The following CRPPA variants were observed in gnomAD, a reference collection of about 807,000 sequenced individuals.
CRPPA encodes D-ribitol-5-phosphate cytidylyltransferase.
A neutral mutation model predicts 52.0 loss-of-function variants in CRPPA; 43 were observed. The observed-to-expected ratio is 0.83, with a 90% CI of 0.65 to 1.07. CRPPA has a LOEUF of 1.07. Among genes scored for constraint, CRPPA ranks in the 50% least tolerant of loss-of-function variants. The pLI is 0.00. For synonymous variants in CRPPA, 250 were observed against 203.5 expected (o/e 1.23, Z -1.94); for missense variants, 629 against 551.7 (o/e 1.14, Z -1.40).
intron 9 of CRPPA, among the ~76,000 whole-genome samples, chr7:16,117,431 A>G (rs1782397802): frequency 6.6e-6 from 1 of 152,124 alleles, no homozygotes; most frequent in Admixed American, 6.5e-5. Flanking sequence ...TCTGTTACAG[A>G]GGCTGAGTGA....
chr7:16,307,966 C>T (rs992650125), intron 4 of CRPPA, among the ~76,000 whole-genome samples: 1 of 151,206 alleles, frequency 6.6e-6, no homozygotes, highest in South Asian at 2.1e-4. Context: ...TGTGTCCCTG[C>T]CCAAATCTCA....
intron 3 of CRPPA, among the ~76,000 whole-genome samples, chr7:16,318,927 TA>T (rs1449070524): frequency 6.6e-6 from 1 of 152,216 alleles, no homozygotes; most frequent in Non-Finnish European, 1.5e-5. Flanking sequence ...TCTGTATCTC[TA>T]AATTACATTC....
intron 3 of CRPPA, among the ~76,000 whole-genome samples, chr7:16,331,135 G>C (rs1785542380): frequency 6.6e-6 from 1 of 152,076 alleles, no homozygotes; most frequent in Non-Finnish European, 1.5e-5. Flanking sequence ...GAGTAGGTGG[G>C]ACTACAGGCG....
chr7:16,305,267 T>G (rs1405796466), intron 4 of CRPPA, among the ~76,000 whole-genome samples: 1 of 152,174 alleles, frequency 6.6e-6, no homozygotes, highest in Admixed American at 6.5e-5. Flanking sequence ...ATTTGCATTC[T>G]AGCATCACCT....
intron 9 of CRPPA, among the ~76,000 whole-genome samples, chr7:16,106,815 T>C (rs1782161635): frequency 6.6e-6 from 1 of 151,996 alleles, no homozygotes; most frequent in African/African-American, 2.4e-5. Context: ...ATTTATGAAA[T>C]GACTGAAGAA....
chr7:16,302,841 T>A (rs1487338710), intron 4 of CRPPA, among the ~76,000 whole-genome samples: 2 of 151,270 alleles, frequency 1.3e-5, no homozygotes, highest in African/African-American at 4.8e-5. Context: ...CTGATTTTTT[T>A]AAGTAATTTT....
At chr7:16,119,795 A>C (rs1461804248) in intron 9 of CRPPA, among the ~76,000 whole-genome samples, 1 of 152,224 alleles carries the variant, frequency 6.6e-6, no homozygotes, top group Non-Finnish European at 1.5e-5. Flanking sequence ...TGTTAGGAGC[A>C]ATGAAGTATG....
intron 9 of CRPPA, among the ~76,000 whole-genome samples, chr7:16,210,208 T>C (rs753905612): frequency 1.3e-5 from 2 of 152,176 alleles, no homozygotes; most frequent in African/African-American, 2.4e-5. Flanking sequence ...TATTTAAACA[T>C]GTCTAGCCCT....
intron 9 of CRPPA, among the ~76,000 whole-genome samples, chr7:16,092,564 C>T (rs933185231): frequency 9.2e-5 from 14 of 152,124 alleles, no homozygotes; most frequent in African/African-American, 3.1e-4. Flanking sequence ...AAGGCATTAG[C>T]GATAATGCCG....
At chr7:16,382,035 T>G (rs1654017212) in intron 2 of CRPPA, among the ~76,000 whole-genome samples, 1 of 151,766 alleles carries the variant, frequency 6.6e-6, no homozygotes, top group Admixed American at 6.6e-5. Flanking sequence ...CCTGTCATGA[T>G]GATGTTAGCT....
chr7:16,254,621 G>A (rs970091012), intron 8 of CRPPA, among the ~76,000 whole-genome samples: 5 of 151,766 alleles, frequency 3.3e-5, no homozygotes, highest in African/African-American at 1.2e-4. Flanking sequence ...ACAGCATTAG[G>A]AGAAATACCT....
chr7:16,187,982 T>C (rs1326890550), intron 9 of CRPPA, among the ~76,000 whole-genome samples: 5 of 151,920 alleles, frequency 3.3e-5, no homozygotes, highest in Non-Finnish European at 7.4e-5. Context: ...ATCTAGTTTG[T>C]GGTCTTACAT....
intron 8 of CRPPA, among the ~76,000 whole-genome samples, chr7:16,230,808 C>T (rs1159863461): frequency 1.3e-5 from 2 of 152,186 alleles, no homozygotes; most frequent in Non-Finnish European, 1.5e-5. Context: ...AGCTCTGTAG[C>T]AGGTGTGACA....
At chr7:16,354,929 CAAAT>C (rs1395121776) in intron 3 of CRPPA, among the ~76,000 whole-genome samples, 3 of 152,030 alleles carry the variant, frequency 2.0e-5, no homozygotes, top group Non-Finnish European at 4.4e-5. Context: ...GAAAACCACA[CAAAT>C]AAAGGTAGAC....
Position 16,376,218 on chromosome 7 carries a change from A to G in CRPPA, c.558T>C (p.Leu186=). 2.5e-6 allele frequency: 4 copies of G among 1,610,146 alleles called. No homozygotes were observed. Among genetic ancestry groups the G allele is most frequent in the Non-Finnish European group, 3.4e-6 (4 of 1,178,366 alleles). The change falls in exon 3 of 10, where the codon CTT becomes CTC. Residue 186 remains leucine (L), a synonymous_variant. Coordinates refer to ENST00000407010, the MANE Select transcript of CRPPA (RefSeq NM_001101426.4). ...EHGAAGAIRP[L]VSTVVSPSAD... ...CAGATGGACTGACGACAGTAGATAC[A>G]AGAGGTCGAATGGCTCCTGCTGCCT...
chr7:16,364,702 T>A (rs1786547449), intron 3 of CRPPA, among the ~76,000 whole-genome samples: 1 of 152,218 alleles, frequency 6.6e-6, no homozygotes, highest in African/African-American at 2.4e-5. Context: ...ATTTAAAGCA[T>A]GAATTCTCTT....
chr7:16,216,938 C>A (rs1231393775), intron 8 of CRPPA, among the ~76,000 whole-genome samples: 19 of 152,092 alleles, frequency 1.2e-4, no homozygotes. Flanking sequence ...TGGAGCCCAC[C>A]ACAGCTCAAG....
chr7:16,242,514 C>T (rs1365493546), intron 8 of CRPPA, among the ~76,000 whole-genome samples: 2 of 152,114 alleles, frequency 1.3e-5, no homozygotes, highest in African/African-American at 4.8e-5. Context: ...GGTAGCAATA[C>T]TACACACCCC....
chr7:16,121,907 G>T (rs1217125128), intron 9 of CRPPA, among the ~76,000 whole-genome samples: 1 of 152,060 alleles, frequency 6.6e-6, no homozygotes, highest in Non-Finnish European at 1.5e-5. Flanking sequence ...GAGAAATGAT[G>T]AACATTTGCT....
Sources: gnomAD v4.1 joint callset for allele counts (sites outside exome capture counted in the v4.1 genomes callset) on GRCh38, gnomAD v4.1.1 for gene constraint, MANE v1.5 for transcripts, NCBI Gene and HGNC (gene_info 2026-07-23, HGNC 2026-07-21) for gene names.